Variants in CALN1 observed in about 807,000 individuals in gnomAD.
CALN1 encodes calneuron 1, also known as calcium-binding protein 8.
CALN1 carries 17 observed loss-of-function variants against 30.6 expected under a neutral mutation model. That is an observed-to-expected ratio of 0.56 (90% confidence interval 0.38 to 0.83). The LOEUF (loss-of-function observed/expected upper bound fraction) is 0.83, where lower values mean the gene tolerates loss of function less well. Among genes scored for constraint, CALN1 ranks in the 40% least tolerant of loss-of-function variants. The pLI, the probability that CALN1 is intolerant of heterozygous loss-of-function variation, is 0.00. For synonymous variants in CALN1, 156 were observed against 131.4 expected, an observed-to-expected ratio of 1.19 and a Z score of -1.28; for missense variants, 291 against 354.9, an observed-to-expected ratio of 0.82 and a Z score of 1.45.
At chr7:72,022,910 T>C (rs975250196) in intron 5 of CALN1, among the ~76,000 whole-genome samples, 1 of 94,240 alleles carries the variant, frequency 1.1e-5, no homozygotes, top group African/African-American at 4.8e-5. Flanking sequence ...AAAAATAAAA[T>C]AAATAAAATT....
intron 5 of CALN1, among the ~76,000 whole-genome samples, chr7:71,937,858 T>C (rs74483621): frequency 0.07 from 10,631 of 152,268 alleles, 696 homozygotes; most frequent in East Asian, 0.22. Context: ...AAGCAATCTA[T>C]GTTCCATCAC....
In CALN1 at chr7:72,403,437, G is replaced by A. The variant is rs1187134173; in HGVS notation, c.-68C>T. ...TCAAAGGAACGTCAGCGAAGGCACT[G>A]AGACTCTGAAAGGAGTTGACAGAAA... On this transcript the variant is annotated 5_prime_UTR_variant, in exon 2 of 7. Transcript: ENST00000395275. 73 of 1,300,420 alleles carry A rather than the reference G, an allele frequency of 5.6e-5. No homozygotes were observed. The highest frequency in any genetic ancestry group is 7.5e-5 in the Non-Finnish European group (71 of 945,414). 80.6% of individuals were successfully genotyped at this position (1,300,420 alleles called of 1,614,324 possible).
chr7:72,335,703 A>C (rs779034230), intron 2 of CALN1, among the ~76,000 whole-genome samples: 5 of 152,222 alleles, frequency 3.3e-5, no homozygotes, highest in African/African-American at 4.8e-5. Context: ...AAATGGAAGA[A>C]AGGCGCCTTC....
In CALN1 at chr7:72,085,431, ATTAG is replaced by A. The variant is rs1805420192; in HGVS notation, c.388+20716_388+20719del. 9.9e-5 allele frequency among the ~76,000 whole-genome samples: 15 copies of A among 152,268 alleles called. No homozygotes were observed. In the South Asian group the frequency reaches 2.9e-3, roughly 30 times the overall value. ...ATTGTTAAGATTGTTCTATTTTATC[ATTAG>A]TTATTGTAATCTCTTACTGCACCTG... On this transcript the variant is annotated intron_variant, in intron 4 of 6. Transcript: ENST00000395275.
chr7:71,890,300 C>T (rs537174011), intron 5 of CALN1, among the ~76,000 whole-genome samples: 5 of 152,114 alleles, frequency 3.3e-5, no homozygotes, highest in Non-Finnish European at 5.9e-5. Flanking sequence ...GAACCCAAGA[C>T]GGGCACATCA....
intron 2 of CALN1, among the ~76,000 whole-genome samples, chr7:72,283,718 C>A (rs961754563): frequency 3.3e-5 from 5 of 152,172 alleles, no homozygotes; most frequent in East Asian, 1.9e-4. Context: ...TGAGACCTGA[C>A]AAAGGGCAAG....
intron 4 of CALN1, among the ~76,000 whole-genome samples, chr7:72,054,456 T>TATATAC (rs1563015556): frequency 8.8e-6 from 1 of 113,752 alleles, no homozygotes; most frequent in East Asian, 2.1e-4. Flanking sequence ...TACATATATA[T>TATATAC]ACATATATAT....
chr7:71,937,667 A>G (rs1362003091), intron 5 of CALN1, among the ~76,000 whole-genome samples: 1 of 151,858 alleles, frequency 6.6e-6, no homozygotes, highest in Admixed American at 6.6e-5. Context: ...TTTTGTAGAG[A>G]TAGGGTCTCG....
intron 1 of CALN1, among the ~76,000 whole-genome samples, chr7:72,420,629 T>TC (rs1369739899): frequency 6.6e-6 from 1 of 150,378 alleles, no homozygotes; most frequent in Non-Finnish European, 1.5e-5. Context: ...ATCTTTTTTT[T>TC]TTTTTTTTTT....
chr7:72,450,504 A>G (rs1018268289), upstream of CALN1, among the ~76,000 whole-genome samples: 3 of 152,210 alleles, frequency 2.0e-5, no homozygotes, highest in African/African-American at 7.2e-5. Context: ...ATGACGAGGA[A>G]TTGTCTGCAG....
intron 2 of CALN1, among the ~76,000 whole-genome samples, chr7:72,317,225 AAG>A (rs1217191795): frequency 1.5e-5 from 2 of 129,846 alleles, no homozygotes; most frequent in Non-Finnish European, 3.3e-5. Flanking sequence ...GAGAGAAAGA[AAG>A]AGAAGAGAAG....
intron 5 of CALN1, among the ~76,000 whole-genome samples, chr7:71,885,297 G>T (rs1445633542): frequency 6.6e-6 from 1 of 151,994 alleles, no homozygotes; most frequent in Non-Finnish European, 1.5e-5. Flanking sequence ...GACTACAGGC[G>T]CCTGCCACCA....
chr7:72,048,200 C>A (rs1002423725), intron 4 of CALN1, among the ~76,000 whole-genome samples: 1 of 151,896 alleles, frequency 6.6e-6, no homozygotes, highest in African/African-American at 2.4e-5. Context: ...CCATCGCACC[C>A]GGCTAATTTT....
At chr7:72,013,228 G>A (rs1344649087) in intron 5 of CALN1, among the ~76,000 whole-genome samples, 3 of 138,478 alleles carry the variant, frequency 2.2e-5, no homozygotes, top group African/African-American at 8.2e-5. Context: ...GTTGGATAAT[G>A]TAATTTTGCT....
chr7:72,372,652 G>A (rs190241982), intron 2 of CALN1, among the ~76,000 whole-genome samples: 235 of 152,160 alleles, frequency 1.5e-3, no homozygotes, highest in Non-Finnish European at 2.0e-3. Flanking sequence ...GTCACACACA[G>A]GGGACAGATC....
intron 3 of CALN1, among the ~76,000 whole-genome samples, chr7:72,147,800 G>A (rs923144672): frequency 2.6e-5 from 4 of 151,924 alleles, no homozygotes; most frequent in Admixed American, 2.0e-4. Context: ...CCTTTGTAGG[G>A]ACATGGATGA....
chr7:72,485,380 A>G, the CALN1 span, among the ~76,000 whole-genome samples: 5 of 152,238 alleles, frequency 3.3e-5, no homozygotes, highest in African/African-American at 1.2e-4. Flanking sequence ...GCAACATAGC[A>G]AGACCCTGTC....
chr7:72,237,211 T>C (rs1562779394), intron 3 of CALN1, among the ~76,000 whole-genome samples: 2 of 152,182 alleles, frequency 1.3e-5, no homozygotes, highest in Non-Finnish European at 2.9e-5. Context: ...CTCAAACTCC[T>C]GACCTCAGGT....
At chr7:72,492,839 T>A in the CALN1 span, among the ~76,000 whole-genome samples, 1 of 152,204 alleles carries the variant, frequency 6.6e-6, no homozygotes, top group Non-Finnish European at 1.5e-5. Flanking sequence ...GCACATGCTA[T>A]CCAGGACGTA....
Sources: allele counts gnomAD v4.1 joint callset (sites outside exome capture counted in the v4.1 genomes callset), GRCh38; gene constraint gnomAD v4.1.1; transcripts MANE v1.5; gene names NCBI Gene and HGNC (gene_info 2026-07-23, HGNC 2026-07-21).